The following TAS2R1 variants were observed in gnomAD, a reference collection of about 807,000 sequenced individuals.
TAS2R1 encodes the protein taste receptor type 2 member 1.
For missense variants in TAS2R1, 370 were observed against 353.4 expected, an observed-to-expected ratio of 1.05 and a Z score of -0.38; for synonymous variants, 141 against 134.2, an observed-to-expected ratio of 1.05 and a Z score of -0.35.
the TAS2R1 span, among the ~76,000 whole-genome samples, chr5:9,790,668 G>A: frequency 3.9e-5 from 6 of 152,084 alleles, no homozygotes; most frequent in South Asian, 2.1e-4. Context: ...TCACCCTGTC[G>A]CCCAGGCTGC....
At chr5:9,725,934 A>T in the TAS2R1 span, among the ~76,000 whole-genome samples, 31 of 150,272 alleles carry the variant, frequency 2.1e-4, 1 homozygote, top group Admixed American at 1.3e-3. Flanking sequence ...GCCTTGGAGA[A>T]CCTTTATGTC....
the TAS2R1 span, among the ~76,000 whole-genome samples, chr5:9,735,096 C>A: frequency 6.6e-6 from 1 of 151,168 alleles, no homozygotes; most frequent in African/African-American, 2.5e-5. Context: ...CAGGAGAGAG[C>A]GAGCAAGGGG....
the TAS2R1 span, among the ~76,000 whole-genome samples, chr5:9,892,234 C>T: frequency 6.6e-6 from 1 of 152,234 alleles, no homozygotes. Flanking sequence ...TCCTTGTAGG[C>T]TGCAGAAGAC....
At chr5:9,667,404 C>T (rs746827286) in intron 1 of TAS2R1, among the ~76,000 whole-genome samples, 81 of 152,298 alleles carry the variant, frequency 5.3e-4, no homozygotes, top group Non-Finnish European at 9.1e-4. Context: ...GATTGCAGGA[C>T]GGGCAACTCT....
At chr5:9,887,986 C>G in the TAS2R1 span, among the ~76,000 whole-genome samples, 9 of 152,140 alleles carry the variant, frequency 5.9e-5, no homozygotes, top group Non-Finnish European at 1.3e-4. Flanking sequence ...CAGTCCTATA[C>G]AGACCTAGGA....
At chr5:9,810,907 C>T in the TAS2R1 span, among the ~76,000 whole-genome samples, 1 of 152,162 alleles carries the variant, frequency 6.6e-6, no homozygotes, top group Non-Finnish European at 1.5e-5. Context: ...AAGCTCCTAT[C>T]TGTCTATACC....
chr5:9,715,326 T>C (rs1333714880), upstream of TAS2R1, among the ~76,000 whole-genome samples: 1 of 152,196 alleles, frequency 6.6e-6, no homozygotes, highest in Non-Finnish European at 1.5e-5. Flanking sequence ...CACTTGGGGA[T>C]GCTACAGCAG....
chr5:9,869,398 A>G, the TAS2R1 span, among the ~76,000 whole-genome samples: 1 of 152,192 alleles, frequency 6.6e-6, no homozygotes, highest in Non-Finnish European at 1.5e-5. Flanking sequence ...ACTGCCCTTT[A>G]TAAAACAAAA....
chr5:9,879,538 T>C, the TAS2R1 span, among the ~76,000 whole-genome samples: 1 of 152,180 alleles, frequency 6.6e-6, no homozygotes, highest in Admixed American at 6.5e-5. Flanking sequence ...GGTAGACCTA[T>C]AGCAACCTCA....
chr5:9,752,773 C>A, the TAS2R1 span, among the ~76,000 whole-genome samples: 6 of 151,726 alleles, frequency 4.0e-5, no homozygotes, highest in Non-Finnish European at 7.4e-5. Flanking sequence ...TGCTCAATTC[C>A]CACCTATGAG....
At chr5:9,802,060 CTTATAGTACCATAGCTGA>C in the TAS2R1 span, among the ~76,000 whole-genome samples, 1 of 152,202 alleles carries the variant, frequency 6.6e-6, no homozygotes, top group Non-Finnish European at 1.5e-5. Context: ...TTGCATCTTC[CTTATAGTACCATAGCTGA>C]TGCACTATTG....
chr5:9,876,753 G>C, the TAS2R1 span, among the ~76,000 whole-genome samples: 2 of 152,172 alleles, frequency 1.3e-5, no homozygotes, highest in African/African-American at 4.8e-5. Context: ...GACTTCCCAG[G>C]AGGGACTAAA....
chr5:9,771,659 G>A, the TAS2R1 span, among the ~76,000 whole-genome samples: 2 of 152,110 alleles, frequency 1.3e-5, no homozygotes, highest in Admixed American at 1.3e-4. Context: ...TCTTTGCTGG[G>A]AGACTTTTTA....
chr5:9,869,151 A>C, the TAS2R1 span, among the ~76,000 whole-genome samples: 2 of 152,158 alleles, frequency 1.3e-5, no homozygotes, highest in African/African-American at 4.8e-5. Context: ...CCAGTTCCAA[A>C]GTCACTTCCA....
At chr5:9,791,703 A>T in the TAS2R1 span, among the ~76,000 whole-genome samples, 1 of 152,204 alleles carries the variant, frequency 6.6e-6, no homozygotes, top group African/African-American at 2.4e-5. Context: ...CATCTAAAAA[A>T]AGAAAGAAAA....
intron 2 of TAS2R1, chr5:9,658,371 G>C (rs114485221): frequency 6.6e-6 from 1 of 152,280 alleles, no homozygotes; most frequent in East Asian, 1.9e-4. Context: ...TATAGCCCTA[G>C]AATCCATGTA....
intron 1 of TAS2R1, among the ~76,000 whole-genome samples, chr5:9,698,403 G>A (rs1026170661): frequency 6.6e-6 from 1 of 152,110 alleles, no homozygotes; most frequent in Admixed American, 6.5e-5. Flanking sequence ...AATAACTCGC[G>A]TGACATTCTC....
At chr5:9,672,664 T>C (rs1740791828) in intron 1 of TAS2R1, among the ~76,000 whole-genome samples, 1 of 152,160 alleles carries the variant, frequency 6.6e-6, no homozygotes. Context: ...GAAAAGGGAA[T>C]GTTTATATAC....
At chr5:9,868,535 G>C in the TAS2R1 span, among the ~76,000 whole-genome samples, 6 of 152,280 alleles carry the variant, frequency 3.9e-5, no homozygotes, top group Admixed American at 2.0e-4. Context: ...CCTGGGCCTG[G>C]CCCAGGAAGC....
Sources: gnomAD v4.1 joint callset for allele counts (sites outside exome capture counted in the v4.1 genomes callset) on GRCh38, gnomAD v4.1.1 for gene constraint, MANE v1.5 for transcripts, NCBI Gene and HGNC (gene_info 2026-07-23, HGNC 2026-07-21) for gene names.